FOLH1: variants seen among roughly 807,000 people sequenced by gnomAD.
FOLH1 encodes folate hydrolase 1, also known as glutamate carboxypeptidase 2.
A neutral mutation model predicts 93.9 loss-of-function variants in FOLH1; 54 were observed. That is an observed-to-expected ratio of 0.57 (90% CI 0.46 to 0.72). FOLH1 has a LOEUF of 0.72. FOLH1 is among the 30% of genes least tolerant of loss of function. FOLH1 has a pLI of 0.00. For synonymous variants in FOLH1, 249 were observed against 303.6 expected (o/e 0.82, Z 1.87); for missense variants, 571 against 892.5 (o/e 0.64, Z 4.59).
At chr11:49,208,266 G>A (rs1157193776) in intron 1 of FOLH1, 26 bp downstream of exon 1, 1 of 1,478,388 alleles carries the variant, frequency 6.8e-7, no homozygotes, top group Non-Finnish European at 9.1e-7. Context: ...AGACTCCGAG[G>A]TTTGCTCCGC....
At chr11:49,196,466 G>C (rs1485879925) in intron 3 of FOLH1, among the ~76,000 whole-genome samples, 3 of 151,978 alleles carry the variant, frequency 2.0e-5, no homozygotes, top group African/African-American at 4.8e-5. Flanking sequence ...ATTTTAGAAG[G>C]CAAGTAGAAT....
chr11:49,147,554 C>A (rs1855912490), intron 18 of FOLH1, among the ~76,000 whole-genome samples: 1 of 151,884 alleles, frequency 6.6e-6, no homozygotes, highest in Non-Finnish European at 1.5e-5. Flanking sequence ...GTGACCAAGG[C>A]AGAAAATGTT....
intron 9 of FOLH1, among the ~76,000 whole-genome samples, chr11:49,173,948 A>T (rs1400539994): frequency 6.6e-6 from 1 of 152,060 alleles, no homozygotes; most frequent in Admixed American, 6.6e-5. Flanking sequence ...TTCTCCCTCT[A>T]TGCAGTTTTT....
chr11:49,156,242 G>C (rs1238676083), intron 15 of FOLH1, among the ~76,000 whole-genome samples: 1 of 151,918 alleles, frequency 6.6e-6, no homozygotes, highest in Non-Finnish European at 1.5e-5. Flanking sequence ...CAGGAAAACA[G>C]ACTAATATAT....
chr11:49,151,446 T>C (rs1269965161), intron 17 of FOLH1, among the ~76,000 whole-genome samples: 2 of 151,602 alleles, frequency 1.3e-5, no homozygotes, highest in South Asian at 2.1e-4. Context: ...ACACACACAC[T>C]TCTCTTTCTC....
chr11:49,173,366 T>G lies in FOLH1; in HGVS notation c.1216A>C (p.Lys406Gln), dbSNP rs1242706243. 4 of 1,610,034 alleles carry G rather than the reference T, an allele frequency of 2.5e-6. No homozygotes were observed. Among genetic ancestry groups the G allele is most frequent in the Non-Finnish European group, 3.4e-6 (4 of 1,177,496 alleles). The stretch of plus-strand genomic sequence containing the variant: ...TGTTTGTTTGTATTACCTTCCTTTT[T>G]CAGTGTTCCAAAGCTCCTCACAATT... The part of the protein sequence containing the change: ...HEIVRSFGTL[K>Q]KEGWRPRRTI... The change falls in exon 10 of 19, where the codon AAA becomes CAA. Residue 406 changes from lysine to glutamine, a missense_variant. Physicochemically the swap from Lys to Gln is moderately conservative, Grantham distance 53. This residue lies in a region of FOLH1 where 500 missense variants were observed against 822.9 expected (regional missense o/e 0.61). Coordinates refer to ENST00000256999, the MANE Select transcript of FOLH1 (RefSeq NM_004476.3).
At chr11:49,147,022 C>T (rs1221890758) in intron 18 of FOLH1, 77 bp from the exon 19 acceptor site, 2 of 1,464,932 alleles carry the variant, frequency 1.4e-6, no homozygotes, top group Non-Finnish European at 1.9e-6. Flanking sequence ...TCTGCAATTC[C>T]TGGATTGCAT....
At chr11:49,166,917 C>T (rs1590500873) in intron 12 of FOLH1, among the ~76,000 whole-genome samples, 1 of 152,058 alleles carries the variant, frequency 6.6e-6, no homozygotes, top group Admixed American at 6.5e-5. Context: ...AGTATGGTGC[C>T]ACACACCTGT....
chr11:49,169,561 T>G (rs1418896721), intron 11 of FOLH1, among the ~76,000 whole-genome samples: 1 of 152,222 alleles, frequency 6.6e-6, no homozygotes, highest in Non-Finnish European at 1.5e-5. Context: ...TTTCAAAAAG[T>G]TGTCTTAGCA....
intron 1 of FOLH1, 30 bp downstream of exon 1, chr11:49,208,262 C>T: frequency 6.9e-7 from 1 of 1,454,304 alleles, no homozygotes; most frequent in Non-Finnish European, 9.3e-7. Context: ...GGGAAGACTC[C>T]GAGGTTTGCT....
chr11:49,183,303 T>C, intron 6 of FOLH1, 61 bp from the exon 7 acceptor site: 1 of 1,159,790 alleles, frequency 8.6e-7, no homozygotes, highest in Non-Finnish European at 1.3e-6. Flanking sequence ...CGGTTCTCTA[T>C]AAATCACATT....
chr11:49,166,429 C>T (rs1486596559), intron 12 of FOLH1, among the ~76,000 whole-genome samples: 1 of 152,168 alleles, frequency 6.6e-6, no homozygotes, highest in African/African-American at 2.4e-5. Context: ...AAAATATTTA[C>T]TTACTTATCT....
At chr11:49,148,299 G>T (rs1353297648) in intron 18 of FOLH1, among the ~76,000 whole-genome samples, 1 of 150,944 alleles carries the variant, frequency 6.6e-6, no homozygotes, top group Non-Finnish European at 1.5e-5. Flanking sequence ...TAGAAAAGGA[G>T]CTAAAATTAT....
intron 1 of FOLH1, among the ~76,000 whole-genome samples, chr11:49,207,176 G>T (rs1289910258): frequency 6.6e-6 from 1 of 151,962 alleles, no homozygotes; most frequent in African/African-American, 2.4e-5. Context: ...TCTGAAAAAT[G>T]AACAGGATGA....
chr11:49,145,632 GA>G lies in FOLH1; in HGVS notation c.*1123del, dbSNP rs1006792089. Among the ~76,000 whole-genome samples the G allele has an allele frequency of 9.2e-5, 14 of 152,256 alleles. No homozygotes were observed. Among genetic ancestry groups the G allele is most frequent in the Non-Finnish European group, 1.9e-4 (13 of 68,008 alleles). ...CTACAGCGACTTCTTAACTTTGAGCGAGGCCACAATGTGAGGGGACTCTTCA... is the reference window on the plus strand; with the variant it reads ...CTACAGCGACTTCTTAACTTTGAGCGGGCCACAATGTGAGGGGACTCTTCA... On this transcript the variant is annotated 3_prime_UTR_variant, in exon 19 of 19. Transcript: ENST00000256999.
At chr11:49,195,347 T>A (rs1862502922) in intron 3 of FOLH1, among the ~76,000 whole-genome samples, 3 of 152,162 alleles carry the variant, frequency 2.0e-5, no homozygotes, top group Non-Finnish European at 2.9e-5. Flanking sequence ...AATTAAAAAA[T>A]ATTTAGATAC....
chr11:49,205,687 T>C (rs1321515119), intron 2 of FOLH1, among the ~76,000 whole-genome samples: 1 of 152,238 alleles, frequency 6.6e-6, no homozygotes, highest in African/African-American at 2.4e-5. Flanking sequence ...GTTTTAAAAA[T>C]AATATTTTTG....
intron 12 of FOLH1, 31 bp downstream of exon 12, chr11:49,169,164 C>A (rs1198173461): frequency 1.2e-6 from 2 of 1,606,004 alleles, no homozygotes; most frequent in Admixed American, 3.3e-5. Flanking sequence ...AGTTTAATCA[C>A]ATCTTTTCTT....
At position 49,145,369 on chromosome 11, in the gene FOLH1, C is replaced by T. The variant is rs1432000703; in HGVS notation, c.*1387G>A. 6.6e-6 allele frequency among the ~76,000 whole-genome samples: 1 copy of T among 152,164 alleles called. No individual in the cohort carries two copies. The highest frequency in any genetic ancestry group is 1.5e-5 in the Non-Finnish European group (1 of 68,022). On this transcript the variant is annotated 3_prime_UTR_variant, in exon 19 of 19. Coordinates refer to ENST00000256999, the MANE Select transcript of FOLH1 (RefSeq NM_004476.3). ...CTGACACGGAGGGCATACAGAGCTA[C>T]ACCAGTGCCCAGATTCTGTAGTTCA...
Sources: gnomAD v4.1 joint callset for allele counts (sites outside exome capture counted in the v4.1 genomes callset) on GRCh38, gnomAD v4.1.1 for gene constraint, gnomAD v4.1.1 regional missense constraint, MANE v1.5 for transcripts, NCBI Gene and HGNC (gene_info 2026-07-23, HGNC 2026-07-21) for gene names.